Variants in HDDC2 observed in about 807,000 individuals in gnomAD.
HDDC2 encodes the protein HD domain containing 2.
In HDDC2, 25 loss-of-function variants were observed where a neutral mutation model predicts 25.5. The observed-to-expected ratio is 0.98, with a 90% CI of 0.72 to 1.37. The LOEUF is 1.37. Ranked by LOEUF, HDDC2 falls within the 40% of genes most tolerant of loss-of-function variation. HDDC2 has a pLI of 0.00. For synonymous variants in HDDC2, 106 were observed against 89.7 expected (o/e 1.18, Z -1.03); for missense variants, 264 against 253.1 (o/e 1.04, Z -0.29).
chr6:125,292,580 G>A (rs1798647397), intron 4 of HDDC2, among the ~76,000 whole-genome samples: 2 of 152,184 alleles, frequency 1.3e-5, no homozygotes, highest in Non-Finnish European at 2.9e-5. Context: ...ATGGGTGGGT[G>A]TGGGCAAAGC....
intron 3 of HDDC2, 129 bp from the exon 4 acceptor site, chr6:125,293,038 T>C (rs1183339587): frequency 8.0e-6 from 6 of 746,976 alleles, no homozygotes; most frequent in Admixed American, 1.9e-5. Context: ...AATTGGCCTA[T>C]ACTGGACAAT....
chr6:125,300,738 G>A, intron 1 of HDDC2, 79 bp from the exon 2 acceptor site: 2 of 1,385,260 alleles, frequency 1.4e-6, no homozygotes, highest in Admixed American at 2.3e-5. Context: ...AGATGTCCAG[G>A]ATATAACACA....
chr6:125,285,278 C>T (rs1798514292), intron 4 of HDDC2, among the ~76,000 whole-genome samples: 1 of 151,568 alleles, frequency 6.6e-6, no homozygotes, highest in African/African-American at 2.4e-5. Flanking sequence ...CAAACCTGCA[C>T]GTTCTGCACA....
chr6:125,276,837 A>C (rs1798377621), intron 5 of HDDC2: 1 of 462,192 alleles, frequency 2.2e-6, no homozygotes, highest in Non-Finnish European at 3.9e-6. Context: ...AGCATGGGGG[A>C]CTGTTCAACC....
chr6:125,278,593 T>C (rs1798409192), intron 4 of HDDC2: 1 of 152,142 alleles, frequency 6.6e-6, no homozygotes, highest in South Asian at 2.1e-4. Context: ...GACAGAACTC[T>C]AGGGGTGAGA....
intron 3 of HDDC2, 87 bp from the exon 4 acceptor site, chr6:125,292,996 T>G (rs1204735840): frequency 9.6e-7 from 1 of 1,046,468 alleles, no homozygotes; most frequent in East Asian, 2.4e-5. Context: ...GTTCGGATTC[T>G]TACAAACAAC....
intron 3 of HDDC2, among the ~76,000 whole-genome samples, chr6:125,293,592 G>T (rs2115114290): frequency 6.6e-6 from 1 of 152,244 alleles, no homozygotes; most frequent in Non-Finnish European, 1.5e-5. Flanking sequence ...TTGGTAGGGA[G>T]CCTAGTACCT....
At chr6:125,300,861 G>T (rs1409438845) in intron 1 of HDDC2, among the ~76,000 whole-genome samples, 1 of 151,628 alleles carries the variant, frequency 6.6e-6, no homozygotes, top group Non-Finnish European at 1.5e-5. Flanking sequence ...GAAAGGGGTA[G>T]AAGACAGAGA....
At chr6:125,284,437 A>T (rs949483134) in intron 4 of HDDC2, among the ~76,000 whole-genome samples, 14 of 152,232 alleles carry the variant, frequency 9.2e-5, no homozygotes, top group African/African-American at 3.4e-4. Context: ...TAATATCCAG[A>T]ATCTACCAGG....
chr6:125,292,639 G>A (rs937425642), intron 4 of HDDC2, among the ~76,000 whole-genome samples: 14 of 152,130 alleles, frequency 9.2e-5, no homozygotes, highest in African/African-American at 3.4e-4. Context: ...GGGTGGCGAG[G>A]GAAATGGGGA....
chr6:125,295,538 G>T (rs141997903), intron 3 of HDDC2, among the ~76,000 whole-genome samples: 1 of 152,094 alleles, frequency 6.6e-6, no homozygotes, highest in Non-Finnish European at 1.5e-5. Context: ...TACCTAAAGG[G>T]ATCATAGGGA....
chr6:125,283,916 T>C (rs55671491), intron 4 of HDDC2, among the ~76,000 whole-genome samples: 2,711 of 152,246 alleles, frequency 0.018, 93 homozygotes, highest in African/African-American at 0.063. Context: ...CTTCAAACTA[T>C]ACTACAATTC....
In HDDC2 at chr6:125,301,865, A is replaced by G. The variant is rs373741822; in HGVS notation, c.68T>C (p.Leu23Pro). 1,095 of 1,547,064 alleles carry G rather than the reference A, an allele frequency of 7.1e-4. 1 individual carries two copies. Among genetic ancestry groups the G allele is most frequent in the Non-Finnish European group, 9.2e-4 (1,053 of 1,147,586 alleles). The change falls in exon 1 of 6, where the codon CTG (leucine) becomes CCG (proline). Residue 23 changes from leucine to proline, a missense_variant. Leu to Pro is a moderately conservative substitution (Grantham distance 98). Transcript: ENST00000398153. Reference sequence around the variant, plus strand: ...CCCGCTCACCTTGAGCTGCCCTACCAGCCGCAGGAACTGCAGTAGGGACCG... The same window carrying G: ...CCCGCTCACCTTGAGCTGCCCTACCGGCCGCAGGAACTGCAGTAGGGACCG... ...GARSLLQFLRLVGQLKRVPRT... is the reference protein window; with the variant it reads ...GARSLLQFLRPVGQLKRVPRT...
At chr6:125,285,336 A>G (rs1443770337) in intron 4 of HDDC2, among the ~76,000 whole-genome samples, 1 of 152,162 alleles carries the variant, frequency 6.6e-6, no homozygotes, top group Non-Finnish European at 1.5e-5. Flanking sequence ...AAAATGATAT[A>G]AGACATAGAA....
At chr6:125,276,978 T>C (rs1346444257) in intron 5 of HDDC2, 124 bp downstream of exon 5, 5 of 914,686 alleles carry the variant, frequency 5.5e-6, no homozygotes, top group Non-Finnish European at 8.4e-6. Context: ...CCTTTCTTTT[T>C]AGATGCTCCA....
chr6:125,288,527 T>A (rs991256587), intron 4 of HDDC2, among the ~76,000 whole-genome samples: 1 of 152,080 alleles, frequency 6.6e-6, no homozygotes, highest in South Asian at 2.1e-4. Context: ...AATGGAGGAC[T>A]AAATAGGCAG....
intron 4 of HDDC2, among the ~76,000 whole-genome samples, chr6:125,279,663 A>T (rs1478284257): frequency 1.3e-5 from 2 of 152,222 alleles, no homozygotes; most frequent in Non-Finnish European, 2.9e-5. Context: ...AAAAATAAAT[A>T]AATTAAAAAT....
intron 4 of HDDC2, among the ~76,000 whole-genome samples, chr6:125,289,246 C>T (rs1249683372): frequency 1.0e-4 from 14 of 133,340 alleles, no homozygotes; most frequent in Non-Finnish European, 2.2e-4. Flanking sequence ...AAACCAAACA[C>T]TGCATATTCT....
intron 4 of HDDC2, among the ~76,000 whole-genome samples, chr6:125,287,246 T>C (rs1378416155): frequency 1.3e-5 from 2 of 152,170 alleles, no homozygotes; most frequent in Non-Finnish European, 2.9e-5. Flanking sequence ...AACTAAAATA[T>C]CTAGAAATGA....
Sources: allele counts gnomAD v4.1 joint callset (sites outside exome capture counted in the v4.1 genomes callset), GRCh38; gene constraint gnomAD v4.1.1; transcripts MANE v1.5; gene names NCBI Gene and HGNC (gene_info 2026-07-23, HGNC 2026-07-21).